The following SELP variants were observed in gnomAD, a reference collection of about 807,000 sequenced individuals.
SELP encodes the protein selectin P, also known as P-selectin.
In SELP, 92 loss-of-function variants were observed where a neutral mutation model predicts 104.1. That is an observed-to-expected ratio of 0.88 (90% confidence interval 0.75 to 1.05). SELP has a LOEUF of 1.05. SELP is among the 50% of genes least tolerant of loss of function. The pLI is 0.00. For missense variants in SELP, 1,022 were observed against 1,017.3 expected, an observed-to-expected ratio of 1.00 and a Z score of -0.06; for synonymous variants, 397 against 364.5, an observed-to-expected ratio of 1.09 and a Z score of -1.01.
At chr1:169,622,851 A>G (rs1663204954) in intron 1 of SELP, among the ~76,000 whole-genome samples, 1 of 152,232 alleles carries the variant, frequency 6.6e-6, no homozygotes. Context: ...AAAAATGAAT[A>G]ATATAAAATT....
intron 3 of SELP, among the ~76,000 whole-genome samples, chr1:169,614,385 G>A (rs1296719273): frequency 6.6e-6 from 1 of 152,192 alleles, no homozygotes; most frequent in Non-Finnish European, 1.5e-5. Context: ...GAACTGCCAT[G>A]TCCTCTTCAC....
chr1:169,619,092 T>C, intron 2 of SELP, 37 bp downstream of exon 2: 1 of 1,508,386 alleles, frequency 6.6e-7, no homozygotes, highest in Non-Finnish European at 9.2e-7. Context: ...CTACCCTAAT[T>C]ACTTAGGCCT....
intron 11 of SELP, 34 bp from the exon 12 acceptor site, chr1:169,596,168 C>T (rs1661600875): frequency 6.3e-7 from 1 of 1,590,548 alleles, no homozygotes; most frequent in East Asian, 2.2e-5. Flanking sequence ...TCAGAGACCT[C>T]CCAATTAAAA....
At chr1:169,609,472 C>T in intron 8 of SELP, 32 bp downstream of exon 8, 1 of 1,588,624 alleles carries the variant, frequency 6.3e-7, no homozygotes, top group Non-Finnish European at 8.6e-7. Flanking sequence ...CGAGCTGAGA[C>T]ACACAGAAAA....
intron 14 of SELP, among the ~76,000 whole-genome samples, chr1:169,591,727 T>C (rs1298687125): frequency 6.6e-6 from 1 of 152,232 alleles, no homozygotes; most frequent in Admixed American, 6.5e-5. Context: ...TTTGAGGGCA[T>C]CTTGTGTCAC....
At chr1:169,611,001 G>A (rs1344412804) in intron 7 of SELP, among the ~76,000 whole-genome samples, 1 of 152,102 alleles carries the variant, frequency 6.6e-6, no homozygotes. Flanking sequence ...CATTACCACT[G>A]TCCGCCTTAT....
chr1:169,619,768 A>G (rs1005510888), intron 1 of SELP, among the ~76,000 whole-genome samples: 4 of 152,096 alleles, frequency 2.6e-5, no homozygotes, highest in African/African-American at 9.7e-5. Context: ...AATACTATTC[A>G]ATGTTTAATA....
intron 14 of SELP, among the ~76,000 whole-genome samples, chr1:169,592,628 C>T (rs377489997): frequency 1.3e-5 from 2 of 152,302 alleles, no homozygotes; most frequent in African/African-American, 4.8e-5. Context: ...ATGTTCCCAT[C>T]TTTAATTCCT....
At chr1:169,618,619 C>T (rs553131223) in intron 2 of SELP, among the ~76,000 whole-genome samples, 78 of 152,282 alleles carry the variant, frequency 5.1e-4, no homozygotes, top group Non-Finnish European at 9.3e-4. Context: ...GTTAGTCATG[C>T]TTGTACCTCC....
rs569539967 is a variant in SELP at position 169,608,474 on chromosome 1, T to A, written c.1333+1030A>T. Among the ~76,000 whole-genome samples the A allele has an allele frequency of 4.6e-5, 7 of 152,274 alleles. No individual in the cohort carries two copies. In the South Asian group the frequency reaches 1.0e-3, roughly 23 times the overall value. ...GAATCATACAGTATTTGTCCTTTCA[T>A]AGTGGCTTATTTCACTTAGCATAAT... On this transcript the variant is annotated intron_variant, in intron 8 of 16. Coordinates refer to ENST00000263686, the MANE Select transcript of SELP (RefSeq NM_003005.4).
At chr1:169,603,971 T>C (rs1017534911) in intron 9 of SELP, among the ~76,000 whole-genome samples, 1 of 152,224 alleles carries the variant, frequency 6.6e-6, no homozygotes, top group African/African-American at 2.4e-5. Context: ...TACCCAGTCA[T>C]GGGATGGCTA....
intron 1 of SELP, among the ~76,000 whole-genome samples, chr1:169,622,348 A>C (rs1013994693): frequency 6.6e-6 from 1 of 152,258 alleles, no homozygotes; most frequent in Non-Finnish European, 1.5e-5. Flanking sequence ...TGGGGCATAT[A>C]ACTTGGAAGG....
At chr1:169,624,747 A>G (rs1372510438) in intron 1 of SELP, among the ~76,000 whole-genome samples, 3 of 152,150 alleles carry the variant, frequency 2.0e-5, no homozygotes, top group African/African-American at 7.2e-5. Flanking sequence ...CAAAAAACAA[A>G]ACAAACAAAC....
intron 10 of SELP, among the ~76,000 whole-genome samples, chr1:169,601,282 T>C (rs562273255): frequency 6.6e-6 from 1 of 152,286 alleles, no homozygotes; most frequent in Non-Finnish European, 1.5e-5. Flanking sequence ...GATGGTAGCA[T>C]TTTATGTCTT....
chr1:169,613,775 A>G, intron 3 of SELP, 82 bp from the exon 4 acceptor site: 2 of 1,135,088 alleles, frequency 1.8e-6, no homozygotes, highest in Non-Finnish European at 2.7e-6. Flanking sequence ...CCACAGACTC[A>G]TCCCCTCTCA....
chr1:169,629,485 G>A (rs1022874835), intron 1 of SELP, among the ~76,000 whole-genome samples: 9 of 152,326 alleles, frequency 5.9e-5, no homozygotes, highest in African/African-American at 1.9e-4. Context: ...AGAAGAAACT[G>A]AGTCATTAAC....
Position 169,595,921 on chromosome 1 carries a change from T to C in SELP, c.2101+4A>G. 1 of 1,612,972 alleles carries C rather than the reference T, an allele frequency of 6.2e-7. No homozygotes were observed. Among genetic ancestry groups the C allele is most frequent in the Non-Finnish European group, 8.5e-7 (1 of 1,179,538 alleles). ...TCAGAACTGCCTGCTCCTTTTCACC[T>C]TACCTCTGCATGCTGGAGTTACTGC... On this transcript the variant is annotated splice_donor_region_variant and intron_variant, in intron 12 of 16. Coordinates refer to ENST00000263686, the MANE Select transcript of SELP (RefSeq NM_003005.4).
At chr1:169,596,275 A>G (rs1480349257) in intron 11 of SELP, 141 bp from the exon 12 acceptor site, 1 of 715,878 alleles carries the variant, frequency 1.4e-6, no homozygotes, top group Admixed American at 2.8e-5. Flanking sequence ...GGAAGTTAAG[A>G]AAAACTATCA....
At chr1:169,609,366 T>C in intron 8 of SELP, 138 bp downstream of exon 8, 1 of 800,748 alleles carries the variant, frequency 1.2e-6, no homozygotes, top group Non-Finnish European at 1.9e-6. Context: ...TCATCCCTGG[T>C]CCCAAGCACA....
Sources: gnomAD v4.1 joint callset for allele counts (sites outside exome capture counted in the v4.1 genomes callset) on GRCh38, gnomAD v4.1.1 for gene constraint, MANE v1.5 for transcripts, NCBI Gene and HGNC (gene_info 2026-07-23, HGNC 2026-07-21) for gene names.